Variants in LINGO2 observed in about 807,000 individuals in gnomAD.
LINGO2 encodes leucine-rich repeat and immunoglobulin-like domain-containing nogo receptor-interacting protein 2.
Under a neutral mutation model 30.6 loss-of-function variants are expected in LINGO2, and 14 were observed. That is an observed-to-expected ratio of 0.46 (90% CI 0.30 to 0.72). The LOEUF (loss-of-function observed/expected upper bound fraction) is 0.72, where lower values mean the gene tolerates loss of function less well. Ranked by LOEUF, LINGO2 falls within the 30% of genes least tolerant of loss-of-function variation. LINGO2 has a pLI of 0.07. For synonymous variants in LINGO2, 317 were observed against 288.5 expected (o/e 1.10, Z -1.00); for missense variants, 729 against 751.7 (o/e 0.97, Z 0.35).
At chr9:28,418,709 A>T (rs2134864437) in intron 2 of LINGO2, among the ~76,000 whole-genome samples, 1 of 152,290 alleles carries the variant, frequency 6.6e-6, no homozygotes, top group Admixed American at 6.5e-5. Flanking sequence ...TATAGGAAGC[A>T]TTTAATAAAT....
intron 1 of LINGO2, among the ~76,000 whole-genome samples, chr9:28,525,564 A>G (rs1304905862): frequency 6.6e-6 from 1 of 152,174 alleles, no homozygotes; most frequent in African/African-American, 2.4e-5. Flanking sequence ...AGCCAGTCAC[A>G]AAAGACCACA....
chr9:29,075,183 T>C, the LINGO2 span, among the ~76,000 whole-genome samples: 1 of 152,184 alleles, frequency 6.6e-6, no homozygotes, highest in Non-Finnish European at 1.5e-5. Context: ...CTACTCATTA[T>C]ATTCAAATTT....
chr9:28,270,430 C>T (rs1822900298), intron 4 of LINGO2, among the ~76,000 whole-genome samples: 1 of 152,002 alleles, frequency 6.6e-6, no homozygotes, highest in Admixed American at 6.6e-5. Context: ...GACACTAAAG[C>T]CACCAGGAGA....
At chr9:29,076,561 A>G in the LINGO2 span, among the ~76,000 whole-genome samples, 1 of 149,012 alleles carries the variant, frequency 6.7e-6, no homozygotes, top group African/African-American at 2.4e-5. Context: ...TGCTGAATAG[A>G]TGGAAATGAA....
chr9:28,585,843 T>G (rs1478397245), intron 1 of LINGO2, among the ~76,000 whole-genome samples: 1 of 152,010 alleles, frequency 6.6e-6, no homozygotes, highest in Non-Finnish European at 1.5e-5. Flanking sequence ...CCTTCAAGAT[T>G]GTCATTGTTG....
chr9:28,249,813 T>C (rs927502940), intron 4 of LINGO2, among the ~76,000 whole-genome samples: 1 of 152,208 alleles, frequency 6.6e-6, no homozygotes, highest in Non-Finnish European at 1.5e-5. Flanking sequence ...ACTTGACTTA[T>C]TTTGTATTTT....
chr9:28,313,900 G>A (rs533628155), intron 3 of LINGO2, among the ~76,000 whole-genome samples: 1 of 152,178 alleles, frequency 6.6e-6, no homozygotes, highest in East Asian at 1.9e-4. Flanking sequence ...TGCTCAACAC[G>A]TTGAGAATTT....
chr9:28,375,810 T>C (rs1284490461), intron 2 of LINGO2, among the ~76,000 whole-genome samples: 4 of 152,196 alleles, frequency 2.6e-5, no homozygotes, highest in Admixed American at 2.6e-4. Flanking sequence ...TCTGTGGGTC[T>C]AGAGATCTTG....
the LINGO2 span, among the ~76,000 whole-genome samples, chr9:28,912,556 A>G: frequency 6.6e-6 from 1 of 152,122 alleles, no homozygotes; most frequent in East Asian, 1.9e-4. Context: ...AAACAGATAA[A>G]GTGGAAATCT....
chr9:29,093,451 T>A, the LINGO2 span, among the ~76,000 whole-genome samples: 2 of 134,358 alleles, frequency 1.5e-5, 1 homozygote, highest in East Asian at 5.0e-4. Flanking sequence ...ATTTTGAAAT[T>A]TATAAAACAC....
At chr9:28,954,173 GT>G in the LINGO2 span, among the ~76,000 whole-genome samples, 1 of 152,032 alleles carries the variant, frequency 6.6e-6, no homozygotes, top group African/African-American at 2.4e-5. Flanking sequence ...AGATCACTTT[GT>G]TTATTTTTGA....
chr9:28,779,927 A>G, the LINGO2 span, among the ~76,000 whole-genome samples: 2 of 152,194 alleles, frequency 1.3e-5, no homozygotes, highest in Admixed American at 6.5e-5. Flanking sequence ...ATGCACTTGT[A>G]TATATAGAAA....
chr9:27,978,978 G>A (rs959189508), intron 5 of LINGO2, among the ~76,000 whole-genome samples: 3 of 152,030 alleles, frequency 2.0e-5, no homozygotes, highest in South Asian at 4.1e-4. Context: ...TTATAAAAGA[G>A]TTCAAGGCTC....
chr9:29,037,419 T>G, the LINGO2 span, among the ~76,000 whole-genome samples: 1 of 151,912 alleles, frequency 6.6e-6, no homozygotes, highest in Admixed American at 6.6e-5. Flanking sequence ...TAATTGTAGC[T>G]TATATTATGT....
chr9:27,957,536 C>T (rs529112633), intron 5 of LINGO2, among the ~76,000 whole-genome samples: 2 of 152,136 alleles, frequency 1.3e-5, no homozygotes, highest in Non-Finnish European at 2.9e-5. Context: ...TTGTGATCTG[C>T]CCACCTTGGC....
chr9:28,981,285 A>G, the LINGO2 span, among the ~76,000 whole-genome samples: 3 of 152,254 alleles, frequency 2.0e-5, no homozygotes, highest in Admixed American at 1.3e-4. Context: ...CTACTGGCAG[A>G]GTCTGATCTC....
In LINGO2 at chr9:28,233,061, T is replaced by TATATATATATATATATATAA. The variant is rs60875467; in HGVS notation, c.-87+62146_-87+62147insTTATATATATATATATATAT. On this transcript the variant is annotated intron_variant, in intron 4 of 5. Coordinates refer to ENST00000379992, the Ensembl canonical transcript of LINGO2. Reference sequence around the variant, plus strand: ...ATATATATATATATATATATATATATTAGATATATAATAGATATACAGTAA... The same window carrying TATATATATATATATATATAA: ...ATATATATATATATATATATATATATATATATATATATATATATAATAGATATATAATAGATATACAGTAA... Among the ~76,000 whole-genome samples, 279 of 118,724 alleles carry TATATATATATATATATATAA rather than the reference T, an allele frequency of 2.3e-3. 10 individuals are homozygous for TATATATATATATATATATAA. The highest frequency in any genetic ancestry group is 8.7e-3 in the Middle Eastern group (2 of 230). 77.9% of individuals were successfully genotyped at this position (118,724 alleles called of 152,430 possible). A position where few individuals can be genotyped will look rare whatever the true frequency, so the allele number is the denominator to read the frequency against.
At chr9:28,690,225 T>G in the LINGO2 span, among the ~76,000 whole-genome samples, 1 of 151,856 alleles carries the variant, frequency 6.6e-6, no homozygotes, top group Non-Finnish European at 1.5e-5. Flanking sequence ...ACCCCTGAAG[T>G]TAAAATAAAA....
chr9:28,514,063 C>A (rs1820522697), intron 1 of LINGO2, among the ~76,000 whole-genome samples: 1 of 152,200 alleles, frequency 6.6e-6, no homozygotes, highest in Non-Finnish European at 1.5e-5. Flanking sequence ...GATCCACGAT[C>A]TTTGACGTTA....
Sources: gnomAD v4.1 joint callset for allele counts (sites outside exome capture counted in the v4.1 genomes callset) on GRCh38, gnomAD v4.1.1 for gene constraint, MANE v1.5 for transcripts, NCBI Gene and HGNC (gene_info 2026-07-23, HGNC 2026-07-21) for gene names.